Variants in RABGAP1L observed in about 807,000 individuals in gnomAD.
The protein encoded by RABGAP1L is rab GTPase-activating protein 1-like.
Under a neutral mutation model 137.7 loss-of-function variants are expected in RABGAP1L, and 63 were observed. The ratio of observed to expected loss-of-function variants is 0.46; its 90% CI spans 0.37 to 0.56. The LOEUF (loss-of-function observed/expected upper bound fraction) is 0.56, where lower values mean the gene tolerates loss of function less well. Among genes scored for constraint, RABGAP1L ranks in the 20% least tolerant of loss-of-function variants. The pLI, the probability that RABGAP1L is intolerant of heterozygous loss-of-function variation, is 0.00. For missense variants in RABGAP1L, 1,095 were observed against 1,244.0 expected (o/e 0.88, Z 1.80); for synonymous variants, 431 against 433.7 (o/e 0.99, Z 0.08).
At chr1:174,714,708 G>A (rs1680858229) in intron 17 of RABGAP1L, among the ~76,000 whole-genome samples, 1 of 152,126 alleles carries the variant, frequency 6.6e-6, no homozygotes, top group Admixed American at 6.5e-5. Flanking sequence ...TAGACTTCAG[G>A]AAGGACAGGC....
At chr1:174,793,701 C>T (rs3118980) in intron 18 of RABGAP1L, among the ~76,000 whole-genome samples, 62,816 of 148,774 alleles carry the variant, frequency 0.42, 15,155 homozygotes, top group Non-Finnish European at 0.54. Context: ...AAAATCAAGA[C>T]TTTTTTTTTT....
At chr1:174,298,281 A>G (rs1179308255) in intron 10 of RABGAP1L, among the ~76,000 whole-genome samples, 3 of 152,152 alleles carry the variant, frequency 2.0e-5, no homozygotes, top group Non-Finnish European at 2.9e-5. Flanking sequence ...AGGTGCCACC[A>G]TGAGTACCAA....
chr1:174,421,572 T>C (rs954103074), intron 13 of RABGAP1L, among the ~76,000 whole-genome samples: 1 of 152,228 alleles, frequency 6.6e-6, no homozygotes, highest in Non-Finnish European at 1.5e-5. Flanking sequence ...GGTTCAGGTC[T>C]GTTGGTGAAA....
At chr1:174,723,416 C>A (rs1216690081) in intron 17 of RABGAP1L, among the ~76,000 whole-genome samples, 1 of 152,110 alleles carries the variant, frequency 6.6e-6, no homozygotes, top group African/African-American at 2.4e-5. Context: ...TTGGCAGTTT[C>A]CTGTGGTGCA....
chr1:174,432,980 G>C (rs1362214320), intron 13 of RABGAP1L, among the ~76,000 whole-genome samples: 1 of 152,202 alleles, frequency 6.6e-6, no homozygotes, highest in Non-Finnish European at 1.5e-5. Context: ...CGATTAGATA[G>C]AAATCTTACT....
At chr1:174,200,856 G>T (rs191674368) in intron 1 of RABGAP1L, among the ~76,000 whole-genome samples, 2 of 152,294 alleles carry the variant, frequency 1.3e-5, no homozygotes, top group Non-Finnish European at 2.9e-5. Context: ...ATAAAGTACA[G>T]TGTCTTTTGT....
At chr1:174,683,729 C>T (rs912318261) in intron 15 of RABGAP1L, 133 bp downstream of exon 15, 11 of 583,540 alleles carry the variant, frequency 1.9e-5, no homozygotes, top group East Asian at 6.2e-5. Context: ...TTAAAATGTA[C>T]GTTAGGTGAT....
At chr1:174,628,248 AAC>A (rs1213776720) in intron 13 of RABGAP1L, among the ~76,000 whole-genome samples, 6 of 152,338 alleles carry the variant, frequency 3.9e-5, no homozygotes, top group African/African-American at 1.4e-4. Context: ...TTGGAAATTA[AAC>A]AGAGTGTGTG....
chr1:174,457,612 C>G (rs1356707732), intron 13 of RABGAP1L, among the ~76,000 whole-genome samples: 1 of 151,328 alleles, frequency 6.6e-6, no homozygotes, highest in African/African-American at 2.4e-5. Flanking sequence ...AAGTGATTCT[C>G]CTGCCTCAGC....
At chr1:174,230,291 A>C (rs1232481178) in intron 3 of RABGAP1L, among the ~76,000 whole-genome samples, 1 of 152,042 alleles carries the variant, frequency 6.6e-6, no homozygotes, top group Non-Finnish European at 1.5e-5. Context: ...AGATATACCT[A>C]ATGTTAAATG....
intron 1 of RABGAP1L, among the ~76,000 whole-genome samples, chr1:174,166,175 C>G (rs1424360819): frequency 6.6e-6 from 1 of 151,826 alleles, no homozygotes; most frequent in Non-Finnish European, 1.5e-5. Context: ...CTTGAGTTTA[C>G]CAATCCTAAA....
chr1:174,292,380 T>A (rs576949773), intron 10 of RABGAP1L, among the ~76,000 whole-genome samples: 1 of 149,130 alleles, frequency 6.7e-6, no homozygotes, highest in Admixed American at 6.7e-5. Flanking sequence ...CTAATACTTT[T>A]GTATTTCTAA....
intron 13 of RABGAP1L, among the ~76,000 whole-genome samples, chr1:174,610,833 T>G (rs561356410): frequency 0.044 from 6,715 of 152,206 alleles, 493 homozygotes; most frequent in African/African-American, 0.15. Flanking sequence ...TCATGTGTTT[T>G]TTGGCTGCAT....
chr1:174,545,141 G>A (rs1449992317), intron 13 of RABGAP1L: 1 of 152,498 alleles, frequency 6.6e-6, no homozygotes, highest in Non-Finnish European at 1.5e-5. Context: ...CTGTCAGACA[G>A]GGACATTTAA....
chr1:174,440,107 A>C (rs368626296), intron 13 of RABGAP1L, among the ~76,000 whole-genome samples: 18 of 152,256 alleles, frequency 1.2e-4, no homozygotes, highest in African/African-American at 4.3e-4. Context: ...AACATAGCAA[A>C]TATATTTGTG....
chr1:174,462,049 T>A (rs1358472116), intron 13 of RABGAP1L, among the ~76,000 whole-genome samples: 1 of 152,184 alleles, frequency 6.6e-6, no homozygotes, highest in African/African-American at 2.4e-5. Context: ...AAGCATTGTT[T>A]CTGTCCAGGC....
chr1:174,675,126 C>T (rs1031582461), intron 14 of RABGAP1L, among the ~76,000 whole-genome samples: 1 of 152,086 alleles, frequency 6.6e-6, no homozygotes, highest in East Asian at 1.9e-4. Context: ...GCTTTTGTTG[C>T]CATTGCTTTT....
At chr1:174,172,994 T>C (rs541303412) in intron 1 of RABGAP1L, among the ~76,000 whole-genome samples, 17 of 152,304 alleles carry the variant, frequency 1.1e-4, no homozygotes, top group African/African-American at 9.6e-5. Flanking sequence ...TTATTATAGA[T>C]ATTAGTGTTT....
At chr1:174,659,793 C>T (rs993869029) in intron 14 of RABGAP1L, among the ~76,000 whole-genome samples, 6 of 152,200 alleles carry the variant, frequency 3.9e-5, no homozygotes, top group African/African-American at 1.4e-4. Context: ...ATCTTTCTCA[C>T]AAAAGCTGCT....
Sources: allele counts gnomAD v4.1 joint callset (sites outside exome capture counted in the v4.1 genomes callset), GRCh38; gene constraint gnomAD v4.1.1; transcripts MANE v1.5; gene names NCBI Gene and HGNC (gene_info 2026-07-23, HGNC 2026-07-21).